The following DNER variants were observed in gnomAD, a reference collection of about 807,000 sequenced individuals.
DNER encodes the protein delta/notch like EGF repeat containing.
DNER carries 33 observed loss-of-function variants against 78.2 expected under a neutral mutation model. The observed-to-expected ratio is 0.42, with a 90% CI of 0.32 to 0.56. DNER has a LOEUF of 0.56. Ranked by LOEUF, DNER falls within the 20% of genes least tolerant of loss-of-function variation. The probability of loss-of-function intolerance (pLI) is 0.11; values close to 1 mark genes in which losing one functional copy is unlikely to be tolerated. For synonymous variants in DNER, 417 were observed against 384.8 expected, an observed-to-expected ratio of 1.08 and a Z score of -0.98; for missense variants, 918 against 975.3, an observed-to-expected ratio of 0.94 and a Z score of 0.78.
intron 7 of DNER, among the ~76,000 whole-genome samples, chr2:229,453,012 T>A (rs1694493929): frequency 6.6e-6 from 1 of 152,234 alleles, no homozygotes; most frequent in Non-Finnish European, 1.5e-5. Flanking sequence ...GTCTTCTCTG[T>A]GTGAGTTAAT....
chr2:229,513,083 A>T, intron 5 of DNER, 147 bp from the exon 6 acceptor site: 1 of 935,100 alleles, frequency 1.1e-6, no homozygotes, highest in South Asian at 1.9e-5. Flanking sequence ...AGTTGAAATC[A>T]TCGCTTTAAG....
At chr2:229,648,647 C>A (rs1559195072) in intron 1 of DNER, among the ~76,000 whole-genome samples, 1 of 152,136 alleles carries the variant, frequency 6.6e-6, no homozygotes, top group African/African-American at 2.4e-5. Context: ...CCAAAGAATT[C>A]TTTTTAAAAA....
chr2:229,401,463 G>C (rs948544700), intron 10 of DNER, among the ~76,000 whole-genome samples: 8 of 151,774 alleles, frequency 5.3e-5, no homozygotes, highest in African/African-American at 1.9e-4. Context: ...CAAACTCTGG[G>C]ACATCCATAC....
intron 8 of DNER, among the ~76,000 whole-genome samples, chr2:229,420,520 C>T (rs1693742820): frequency 6.6e-6 from 1 of 152,052 alleles, no homozygotes; most frequent in Non-Finnish European, 1.5e-5. Flanking sequence ...GAAGTTTTTC[C>T]CCTACGTTTT....
At chr2:229,371,750 T>A (rs1362453009) in intron 11 of DNER, among the ~76,000 whole-genome samples, 1 of 152,244 alleles carries the variant, frequency 6.6e-6, no homozygotes, top group East Asian at 1.9e-4. Context: ...TATCTATTTT[T>A]TAATTTACCT....
chr2:229,512,826 A>G lies in DNER; in HGVS notation c.1104T>C (p.Asn368=), dbSNP rs199643608. The G allele has an allele frequency of 1.9e-6, 3 of 1,614,152 alleles. No homozygotes were observed. Among genetic ancestry groups the G allele is most frequent in the Admixed American group, 1.7e-5 (1 of 60,024 alleles). The change falls in exon 6 of 13, where the codon AAT becomes AAC. Residue 368 remains asparagine, a synonymous_variant. Coordinates refer to ENST00000341772, the MANE Select transcript of DNER (RefSeq NM_139072.4). ...TGAAATTGCTCCCATCTTGCTTTTCATTTGCATCAATACAGCTCGCGTTGT... is the reference window on the plus strand; with the variant it reads ...TGAAATTGCTCCCATCTTGCTTTTCGTTTGCATCAATACAGCTCGCGTTGT... ...CQNNASCIDA[N]EKQDGSNFTC...
At chr2:229,380,011 T>C (rs1477352127) in intron 11 of DNER, among the ~76,000 whole-genome samples, 1 of 152,158 alleles carries the variant, frequency 6.6e-6, no homozygotes, top group Non-Finnish European at 1.5e-5. Flanking sequence ...CCTATAACAA[T>C]TACACACTTC....
At chr2:229,460,966 C>T (rs544891448) in intron 7 of DNER, among the ~76,000 whole-genome samples, 5 of 152,096 alleles carry the variant, frequency 3.3e-5, no homozygotes, top group East Asian at 3.9e-4. Context: ...TAGAAGTCTG[C>T]AAGTCAAAGC....
intron 6 of DNER, among the ~76,000 whole-genome samples, chr2:229,506,980 T>C (rs1390411688): frequency 1.3e-5 from 2 of 152,170 alleles, no homozygotes; most frequent in African/African-American, 2.4e-5. Context: ...CTAGATGATA[T>C]AGCCTACTAC....
rs1696856857 is a variant in DNER at position 229,556,413 on chromosome 2, C to T, written c.848-9321G>A. ...TCAGAATCTATAGTCTTGGATGGGT[C>T]CCTGGCAGGCATGTTTTTGTGAAAA... On this transcript the variant is annotated intron_variant, in intron 4 of 12. Transcript: ENST00000341772. 2.6e-5 allele frequency among the ~76,000 whole-genome samples: 4 copies of T among 152,300 alleles called. No homozygotes were observed. The South Asian group carries it at 8.3e-4, about 32-fold the overall frequency.
At chr2:229,558,947 A>G (rs944580800) in intron 4 of DNER, among the ~76,000 whole-genome samples, 1 of 152,202 alleles carries the variant, frequency 6.6e-6, no homozygotes, top group African/African-American at 2.4e-5. Context: ...CACCATGGGA[A>G]TCCATTGGAG....
intron 5 of DNER, among the ~76,000 whole-genome samples, chr2:229,540,012 G>A (rs868238907): frequency 6.6e-6 from 1 of 152,136 alleles, no homozygotes; most frequent in Non-Finnish European, 1.5e-5. Flanking sequence ...GCTCAATAAC[G>A]TTGCAATGAA....
chr2:229,628,097 C>A (rs2154215658), intron 1 of DNER, among the ~76,000 whole-genome samples: 1 of 152,298 alleles, frequency 6.6e-6, no homozygotes, highest in Non-Finnish European at 1.5e-5. Flanking sequence ...GCTACTACTT[C>A]CTGCCTCTTG....
chr2:229,463,907 G>A (rs4246635), intron 7 of DNER, among the ~76,000 whole-genome samples: 58,590 of 152,078 alleles, frequency 0.39, 13,148 homozygotes, highest in African/African-American at 0.63. Flanking sequence ...TGCAAACATT[G>A]ATGGAATGAT....
At chr2:229,580,712 T>G (rs1480057355) in intron 4 of DNER, among the ~76,000 whole-genome samples, 1 of 151,938 alleles carries the variant, frequency 6.6e-6, no homozygotes, top group Non-Finnish European at 1.5e-5. Context: ...CAGGAAAAAA[T>G]CGGGGTTTCT....
intron 9 of DNER, among the ~76,000 whole-genome samples, chr2:229,409,966 G>C (rs146599224): frequency 1.1e-3 from 170 of 152,190 alleles, no homozygotes; most frequent in Middle Eastern, 6.8e-3. Flanking sequence ...GGACACTACT[G>C]ATGTGCCAAG....
chr2:229,615,052 A>C (rs561248462), intron 1 of DNER, among the ~76,000 whole-genome samples: 18,751 of 152,016 alleles, frequency 0.12, 3,816 homozygotes, highest in African/African-American at 0.43. Flanking sequence ...CAAGGCAGGG[A>C]AGCTGGTGAC....
Position 229,638,135 on chromosome 2 carries a change from A to C in DNER, c.277-46247T>G, listed in dbSNP as rs181591117. On this transcript the variant is annotated intron_variant, in intron 1 of 12. Coordinates refer to ENST00000341772, the MANE Select transcript of DNER (RefSeq NM_139072.4). ...GTGGTTTATATATCAATTCTTCCCCAACTGATTTATAGATTTCACGCAATC... is the reference window on the plus strand; with the variant it reads ...GTGGTTTATATATCAATTCTTCCCCCACTGATTTATAGATTTCACGCAATC... 3.6e-3 allele frequency among the ~76,000 whole-genome samples: 546 copies of C among 152,326 alleles called. 3 individuals carry two copies. The highest frequency in any genetic ancestry group is 0.01 in the African/African-American group (433 of 41,572).
At chr2:229,411,108 G>C (rs368963064) in intron 9 of DNER, among the ~76,000 whole-genome samples, 1 of 152,058 alleles carries the variant, frequency 6.6e-6, no homozygotes, top group Non-Finnish European at 1.5e-5. Flanking sequence ...TATCCTTTTT[G>C]TATTTATCAC....
Sources: allele counts gnomAD v4.1 joint callset (sites outside exome capture counted in the v4.1 genomes callset), GRCh38; gene constraint gnomAD v4.1.1; transcripts MANE v1.5; gene names NCBI Gene and HGNC (gene_info 2026-07-23, HGNC 2026-07-21).